CPNE4: variants seen among roughly 807,000 people sequenced by gnomAD.
CPNE4 encodes the protein copine-4.
In CPNE4, 25 loss-of-function variants were observed where a neutral mutation model predicts 67.9. The ratio of observed to expected loss-of-function variants is 0.37; its 90% confidence interval spans 0.27 to 0.51. The LOEUF (loss-of-function observed/expected upper bound fraction) is 0.51, where lower values mean the gene tolerates loss of function less well. CPNE4 is among the 20% of genes least tolerant of loss of function. The pLI is 0.93. For synonymous variants in CPNE4, 242 were observed against 244.9 expected, an observed-to-expected ratio of 0.99 and a Z score of 0.11; for missense variants, 464 against 690.8, an observed-to-expected ratio of 0.67 and a Z score of 3.68.
intron 2 of CPNE4, among the ~76,000 whole-genome samples, chr3:131,797,178 G>T (rs2083940616): frequency 6.6e-6 from 1 of 152,112 alleles, no homozygotes; most frequent in Non-Finnish European, 1.5e-5. Context: ...GTCAAGGAGG[G>T]ATGGGCTCAA....
At chr3:131,838,069 G>A (rs547831444) in intron 2 of CPNE4, among the ~76,000 whole-genome samples, 1 of 151,530 alleles carries the variant, frequency 6.6e-6, no homozygotes, top group East Asian at 1.9e-4. Flanking sequence ...TCAGCTTTAG[G>A]CAACTTTCTG....
At chr3:132,030,699 T>C (rs1327593264) in intron 1 of CPNE4, among the ~76,000 whole-genome samples, 1 of 152,200 alleles carries the variant, frequency 6.6e-6, no homozygotes. Context: ...GATGTGCTGA[T>C]TTAGGAGAAA....
At chr3:131,830,588 C>A (rs1273808715) in intron 2 of CPNE4, among the ~76,000 whole-genome samples, 1 of 152,138 alleles carries the variant, frequency 6.6e-6, no homozygotes, top group Non-Finnish European at 1.5e-5. Context: ...CTTAATGTCA[C>A]CTTCAATGAA....
At chr3:131,722,539 T>C (rs1301404535) in intron 3 of CPNE4, among the ~76,000 whole-genome samples, 1 of 151,792 alleles carries the variant, frequency 6.6e-6, no homozygotes. Context: ...CTAGATAATG[T>C]TTTTTTCAGA....
chr3:131,929,059 C>T (rs538970373), intron 1 of CPNE4, among the ~76,000 whole-genome samples: 1 of 152,146 alleles, frequency 6.6e-6, no homozygotes, highest in South Asian at 2.1e-4. Context: ...ATCAAGGAGG[C>T]CTTGAAAAGA....
chr3:131,812,786 C>G (rs867885094), intron 2 of CPNE4, among the ~76,000 whole-genome samples: 1 of 152,066 alleles, frequency 6.6e-6, no homozygotes, highest in African/African-American at 2.4e-5. Flanking sequence ...GTTAGTGCTG[C>G]AAAATACGTA....
At chr3:131,726,206 A>G (rs921494642) in intron 2 of CPNE4, among the ~76,000 whole-genome samples, 6 of 152,216 alleles carry the variant, frequency 3.9e-5, no homozygotes, top group African/African-American at 7.2e-5. Context: ...AAGGGCACAA[A>G]TAAGTGATGT....
At chr3:131,884,015 CT>C (rs1321472762) in intron 2 of CPNE4, among the ~76,000 whole-genome samples, 1 of 152,200 alleles carries the variant, frequency 6.6e-6, no homozygotes, top group African/African-American at 2.4e-5. Flanking sequence ...ACAAGCCCCC[CT>C]ATCATTCACT....
At chr3:131,993,148 C>T (rs1407513435) in intron 1 of CPNE4, among the ~76,000 whole-genome samples, 1 of 135,742 alleles carries the variant, frequency 7.4e-6, no homozygotes, top group African/African-American at 2.5e-5. Flanking sequence ...TGAAGAATTG[C>T]ATTACCTTGC....
intron 7 of CPNE4, among the ~76,000 whole-genome samples, chr3:131,610,728 G>A (rs1939788496): frequency 6.6e-6 from 1 of 152,126 alleles, no homozygotes; most frequent in African/African-American, 2.4e-5. Flanking sequence ...ACTTTCACAT[G>A]AATCCTTATT....
chr3:131,831,319 A>G (rs536515105), intron 2 of CPNE4, among the ~76,000 whole-genome samples: 1 of 152,258 alleles, frequency 6.6e-6, no homozygotes, highest in Admixed American at 6.5e-5. Context: ...CTAAAACAAA[A>G]TATGTGCTTC....
chr3:131,927,912 A>C (rs1392541008), intron 1 of CPNE4, among the ~76,000 whole-genome samples: 2 of 152,188 alleles, frequency 1.3e-5, no homozygotes, highest in African/African-American at 2.4e-5. Flanking sequence ...TTCTATTTGC[A>C]TTATTGATGT....
At chr3:131,751,481 A>G (rs1252844752) in intron 2 of CPNE4, among the ~76,000 whole-genome samples, 2 of 151,848 alleles carry the variant, frequency 1.3e-5, no homozygotes, top group Non-Finnish European at 2.9e-5. Flanking sequence ...TTATTTCTAA[A>G]ATTTAAATTT....
At chr3:131,625,083 A>G (rs1243264056) in intron 7 of CPNE4, among the ~76,000 whole-genome samples, 3 of 152,118 alleles carry the variant, frequency 2.0e-5, no homozygotes, top group Admixed American at 6.5e-5. Context: ...TACCTCCATT[A>G]TTAAGCCTTT....
chr3:131,792,672 C>T (rs13094335), intron 2 of CPNE4, among the ~76,000 whole-genome samples: 8,509 of 30,660 alleles, frequency 0.28, 1,125 homozygotes, highest in East Asian at 0.44. Flanking sequence ...TGTATATATA[C>T]ATATATACAC....
chr3:131,668,627 A>G (rs2080320720), intron 7 of CPNE4, among the ~76,000 whole-genome samples: 1 of 152,092 alleles, frequency 6.6e-6, no homozygotes, highest in African/African-American at 2.4e-5. Flanking sequence ...ACATTAATCA[A>G]TTGGCCTTTT....
intron 1 of CPNE4, among the ~76,000 whole-genome samples, chr3:131,965,293 A>C (rs913626997): frequency 1.1e-4 from 16 of 152,218 alleles, no homozygotes; most frequent in African/African-American, 3.9e-4. Flanking sequence ...AAGACCAACA[A>C]CACTATGAAG....
chr3:131,581,693 C>A, intron 8 of CPNE4, 28 bp from the exon 9 acceptor site: 2 of 1,543,846 alleles, frequency 1.3e-6, no homozygotes, highest in African/African-American at 2.7e-5. Context: ...GCATGAGAAT[C>A]TGTTCAGGAA....
intron 1 of CPNE4, among the ~76,000 whole-genome samples, chr3:131,924,136 TC>T (rs2070826229): frequency 1.3e-5 from 2 of 152,184 alleles, no homozygotes; most frequent in African/African-American, 4.8e-5. Flanking sequence ...AGAACAAAAG[TC>T]CTGTACTCTT....
Sources: allele counts gnomAD v4.1 joint callset (sites outside exome capture counted in the v4.1 genomes callset), GRCh38; gene constraint gnomAD v4.1.1; transcripts MANE v1.5; gene names NCBI Gene and HGNC (gene_info 2026-07-23, HGNC 2026-07-21).